The following LRBA variants were observed in gnomAD, a reference collection of about 807,000 sequenced individuals.
LRBA encodes LPS responsive beige-like anchor protein.
A neutral mutation model predicts 330.0 loss-of-function variants in LRBA; 176 were observed. That is an observed-to-expected ratio of 0.53 (90% CI 0.47 to 0.60). LRBA has a LOEUF of 0.60. LRBA is among the 20% of genes least tolerant of loss of function. The pLI is 0.00. For synonymous variants in LRBA, 1,230 were observed against 1,193.0 expected (o/e 1.03, Z -0.64); for missense variants, 3,259 against 3,444.8 (o/e 0.95, Z 1.35).
chr4:150,861,828 A>AT (rs1264400832), intron 22 of LRBA, among the ~76,000 whole-genome samples: 1 of 152,168 alleles, frequency 6.6e-6, no homozygotes, highest in Admixed American at 6.5e-5. Flanking sequence ...GTAAAAAGAT[A>AT]TTTTCTGACA....
chr4:150,723,312 G>T (rs1168730118), intron 36 of LRBA, among the ~76,000 whole-genome samples: 1 of 152,212 alleles, frequency 6.6e-6, no homozygotes, highest in Non-Finnish European at 1.5e-5. Context: ...TCTGCTTAAT[G>T]AGAGGAGAGC....
intron 47 of LRBA, among the ~76,000 whole-genome samples, chr4:150,369,903 A>T (rs750170842): frequency 1.3e-5 from 2 of 152,154 alleles, no homozygotes; most frequent in African/African-American, 4.8e-5. Flanking sequence ...TCTTCCAAGT[A>T]TCATACTACA....
intron 2 of LRBA, among the ~76,000 whole-genome samples, chr4:151,007,665 G>A (rs774238605): frequency 6.6e-6 from 1 of 151,610 alleles, no homozygotes; most frequent in Non-Finnish European, 1.5e-5. Flanking sequence ...AGACCATCCT[G>A]GCTAACACGG....
intron 24 of LRBA, 90 bp from the exon 25 acceptor site, chr4:150,849,665 T>C: frequency 2.0e-6 from 2 of 1,014,518 alleles, no homozygotes; most frequent in Non-Finnish European, 3.0e-6. Context: ...AAGAAGGTGC[T>C]TTTGCTTCAT....
chr4:150,478,688 T>C (rs1414090698), intron 42 of LRBA, among the ~76,000 whole-genome samples: 3 of 152,192 alleles, frequency 2.0e-5, no homozygotes, highest in Non-Finnish European at 4.4e-5. Context: ...GCTCCCTGCC[T>C]TGCTTCAGGG....
At chr4:150,420,293 A>ACACATTATAGTATAAAGTATATATAATG (rs1554021864) in intron 46 of LRBA, among the ~76,000 whole-genome samples, 10,752 of 111,856 alleles carry the variant, frequency 0.096, 3,997 homozygotes, top group South Asian at 0.13. Context: ...TATATATAAT[A>ACACATTATAGTATAAAGTATATATAATG]CACATTATAG....
intron 31 of LRBA, among the ~76,000 whole-genome samples, chr4:150,813,162 A>T (rs1485043932): frequency 4.4e-4 from 57 of 130,432 alleles, no homozygotes; most frequent in African/African-American, 1.9e-3. Flanking sequence ...TGTCTCAATT[A>T]AAAAAAAAAA....
intron 37 of LRBA, among the ~76,000 whole-genome samples, chr4:150,662,041 A>AT (rs1781165686): frequency 6.6e-6 from 1 of 152,188 alleles, no homozygotes; most frequent in Admixed American, 6.5e-5. Flanking sequence ...AATTTCTGGG[A>AT]TGTTTGTATA....
intron 47 of LRBA, among the ~76,000 whole-genome samples, chr4:150,395,441 A>G (rs1744597125): frequency 6.6e-6 from 1 of 151,930 alleles, no homozygotes; most frequent in Non-Finnish European, 1.5e-5. Flanking sequence ...CCTCTCTGTC[A>G]TTGTTTTAAC....
At chr4:150,764,043 G>A (rs1005366973) in intron 34 of LRBA, among the ~76,000 whole-genome samples, 2 of 151,846 alleles carry the variant, frequency 1.3e-5, no homozygotes, top group African/African-American at 4.8e-5. Context: ...AGAATAGGAA[G>A]GAAAGTGAGA....
intron 2 of LRBA, among the ~76,000 whole-genome samples, chr4:150,971,512 G>T (rs921813919): frequency 1.3e-5 from 2 of 152,098 alleles, no homozygotes; most frequent in African/African-American, 2.4e-5. Flanking sequence ...TTTGATAAAA[G>T]TTCAATAATT....
chr4:150,772,502 C>G (rs915357848), intron 34 of LRBA, among the ~76,000 whole-genome samples: 2 of 152,208 alleles, frequency 1.3e-5, no homozygotes, highest in Admixed American at 6.5e-5. Flanking sequence ...AACTTGATGG[C>G]TTAGTAGGAC....
At chr4:150,476,713 C>G (rs1756750848) in intron 42 of LRBA, among the ~76,000 whole-genome samples, 2 of 152,106 alleles carry the variant, frequency 1.3e-5, no homozygotes, top group African/African-American at 4.8e-5. Context: ...TAGGGTTAGG[C>G]AAAACTTGCA....
Position 150,761,842 on chromosome 4 carries a change from C to A in LRBA, c.5586G>T (p.Trp1862Cys). ...ELVMLLCSQE[W>C]QNSIQKNAGL... ...CTGCATTCTTCTGAATAGAATTTTG[C>A]CACTCCTATAAAAAAAAAAGCAAAA... The change falls in exon 35 of 57, where the codon TGG (tryptophan) becomes TGT (cysteine). Residue 1862 changes from tryptophan (W) to cysteine (C), a missense_variant. Coordinates refer to ENST00000651943, the MANE Select transcript of LRBA (RefSeq NM_001364905.1). 1 of 1,519,228 alleles carries A rather than the reference C, an allele frequency of 6.6e-7. No individual in the cohort carries two copies. The highest frequency in any genetic ancestry group is 1.3e-5 in the South Asian group (1 of 74,818). The allele number at this position is 1,519,228 out of a possible 1,614,324, so 94.1% of individuals were successfully genotyped here.
chr4:150,346,078 G>A (rs1048160794), intron 48 of LRBA, among the ~76,000 whole-genome samples: 2 of 152,108 alleles, frequency 1.3e-5, no homozygotes, highest in Non-Finnish European at 2.9e-5. Flanking sequence ...AAAATGCTGG[G>A]ATTACACGTG....
Position 150,761,669 on chromosome 4 carries a change from T to C in LRBA, c.5645+114A>G, listed in dbSNP as rs72959896. 9.2e-3 allele frequency: 5,507 copies of C among 600,514 alleles called. 170 individuals carry two copies. The highest frequency in any genetic ancestry group is 0.08 in the African/African-American group (4,037 of 50,566). 37.2% of individuals were successfully genotyped at this position (600,514 alleles called of 1,614,324 possible). A position where few individuals can be genotyped will look rare whatever the true frequency, so the allele number is the denominator to read the frequency against. ...TAATAATTGATATATCAGAGCTCCA[T>C]TACATTACTGACTGAACAAACAGTA... On this transcript the variant is annotated intron_variant, in intron 35 of 56. Transcript: ENST00000651943.
chr4:150,587,217 CAT>C (rs1410200886), intron 40 of LRBA, among the ~76,000 whole-genome samples: 1 of 152,120 alleles, frequency 6.6e-6, no homozygotes, highest in African/African-American at 2.4e-5. Context: ...TAAAAATTCA[CAT>C]GATTACAAAA....
intron 40 of LRBA, among the ~76,000 whole-genome samples, chr4:150,508,245 G>T (rs1340209297): frequency 3.6e-5 from 5 of 137,620 alleles, no homozygotes; most frequent in South Asian, 2.7e-4. Flanking sequence ...AAAAAAGGGG[G>T]GGGGGGGGAG....
chr4:150,723,699 T>C lies in LRBA; in HGVS notation c.5754+11559A>G, dbSNP rs78417904. ...GCAGAGGGAAAAATAAAGGGAACTTTGTCTTGCATCCTATGTACCAGCTCG... is the reference window on the plus strand; with the variant it reads ...GCAGAGGGAAAAATAAAGGGAACTTCGTCTTGCATCCTATGTACCAGCTCG... On this transcript the variant is annotated intron_variant, in intron 36 of 56. Transcript: ENST00000651943. Among the ~76,000 whole-genome samples the C allele has an allele frequency of 4.6e-5, 7 of 152,336 alleles. No homozygotes were observed. In the East Asian group the frequency reaches 9.6e-4, roughly 21 times the overall value.
Sources: gnomAD v4.1 joint callset for allele counts (sites outside exome capture counted in the v4.1 genomes callset) on GRCh38, gnomAD v4.1.1 for gene constraint, MANE v1.5 for transcripts, NCBI Gene and HGNC (gene_info 2026-07-23, HGNC 2026-07-21) for gene names.